The following ABCC5 variants were observed in gnomAD, a reference collection of about 807,000 sequenced individuals.
ABCC5 encodes the protein ATP binding cassette subfamily C member 5.
ABCC5 carries 61 observed loss-of-function variants against 160.9 expected under a neutral mutation model. The observed-to-expected ratio is 0.38, with a 90% CI of 0.31 to 0.47. The LOEUF (loss-of-function observed/expected upper bound fraction) is 0.47. Among genes scored for constraint, ABCC5 ranks in the 20% least tolerant of loss-of-function variants. The probability of loss-of-function intolerance (pLI) is 0.99; values close to 1 mark genes in which losing one functional copy is unlikely to be tolerated. For missense variants in ABCC5, 1,308 were observed against 1,813.3 expected (o/e 0.72, Z 5.06); for synonymous variants, 666 against 700.6 (o/e 0.95, Z 0.78).
rs3031485 is a variant in ABCC5 at position 184,012,014 on chromosome 3, A to AACACACACACACAC, written c.129+2236_129+2249dup. 7.6e-3 allele frequency among the ~76,000 whole-genome samples: 1,112 copies of AACACACACACACAC among 145,456 alleles called. 19 individuals carry two copies. Among genetic ancestry groups the AACACACACACACAC allele is most frequent in the East Asian group, 0.034 (164 of 4,832 alleles). On this transcript the variant is annotated intron_variant, in intron 2 of 29. Transcript: ENST00000334444. ...CACCTTTAAAAAATGCATAGAACAC[A>AACACACACACACAC]ACACACACACACACACACACACACA...
At chr3:183,967,274 T>C (rs1452213850) in intron 12 of ABCC5, 2 of 202,324 alleles carry the variant, frequency 9.9e-6, no homozygotes, top group Admixed American at 5.4e-5. Context: ...GATCAAACCC[T>C]GACAGTCCTG....
At chr3:183,926,743 T>C (rs923972894) in intron 28 of ABCC5, among the ~76,000 whole-genome samples, 1 of 151,972 alleles carries the variant, frequency 6.6e-6, no homozygotes, top group African/African-American at 2.4e-5. Context: ...TTAAAGTCTC[T>C]TGCAATTTTA....
rs969006642 is a variant in ABCC5, at chr3:183,951,766, T to G, written c.2814+91A>C. The G allele has an allele frequency of 6.5e-7, 1 of 1,533,790 alleles. No individual in the cohort carries two copies. The highest frequency in any genetic ancestry group is 1.4e-5 in the African/African-American group (1 of 73,320). On this transcript the variant is annotated intron_variant, in intron 19 of 29. Transcript: ENST00000334444. This position sits in a 1 kb window ranked among gnomAD's most constrained non-coding sequence, Gnocchi z 4.7. ...CCAGGGCCATCCTGGTTAAGGGAGC[T>G]CCCCTACTCAGCATGAACTGAGAGA...
Position 183,949,271 on chromosome 3 carries a change from C to T in ABCC5, c.3227+482G>A, listed in dbSNP as rs895375260. Among the ~76,000 whole-genome samples, 2 of 152,224 alleles carry T rather than the reference C, an allele frequency of 1.3e-5. No individual in the cohort carries two copies. The highest frequency in any genetic ancestry group is 2.9e-5 in the Non-Finnish European group (2 of 68,040). On this transcript the variant is annotated intron_variant, in intron 22 of 29. Coordinates refer to ENST00000334444, the MANE Select transcript of ABCC5 (RefSeq NM_005688.4). The surrounding 1 kb of genome is among the most constrained non-coding windows in gnomAD (Gnocchi z 4.2). ...ACAATGACAATGCACATAAGTTTCACAAATAAACAATACTCGATGCTTAAA... is the reference window on the plus strand; with the variant it reads ...ACAATGACAATGCACATAAGTTTCATAAATAAACAATACTCGATGCTTAAA...
intron 11 of ABCC5, among the ~76,000 whole-genome samples, chr3:183,969,570 T>A (rs2108832128): frequency 6.6e-6 from 1 of 151,636 alleles, no homozygotes; most frequent in African/African-American, 2.4e-5. Context: ...CACGTGCCTA[T>A]AATCCCAGCT....
Position 183,982,343 on chromosome 3 carries a change from A to G in ABCC5, c.999+108T>C. ...CTCTAGATTGAACCTGCTTTGAGGA[A>G]ATTTCCAATCAGAGCTGTGAGACCT... On this transcript the variant is annotated intron_variant, in intron 7 of 29. Coordinates refer to ENST00000334444, the MANE Select transcript of ABCC5 (RefSeq NM_005688.4). This position sits in a 1 kb window ranked among gnomAD's most constrained non-coding sequence, Gnocchi z 5.2. The G allele has an allele frequency of 7.7e-7, 1 of 1,295,192 alleles. No individual in the cohort carries two copies. Among genetic ancestry groups the G allele is most frequent in the Non-Finnish European group, 1.1e-6 (1 of 950,704 alleles). The allele number at this position is 1,295,192 out of a possible 1,614,324, so 80.2% of individuals were successfully genotyped here.
chr3:183,986,186 G>C (rs1719203036), intron 5 of ABCC5: 1 of 152,238 alleles, frequency 6.6e-6, no homozygotes, highest in African/African-American at 2.4e-5. Flanking sequence ...AAACATATTA[G>C]AATTGGAGTT....
At chr3:183,935,197 T>C (rs925902582) in intron 26 of ABCC5, among the ~76,000 whole-genome samples, 2 of 151,980 alleles carry the variant, frequency 1.3e-5, no homozygotes, top group South Asian at 4.2e-4. Context: ...GCTTCTTTTT[T>C]TGAGATGGAG....
At chr3:183,957,921 T>C (rs568860209) in intron 17 of ABCC5, among the ~76,000 whole-genome samples, 381 of 150,484 alleles carry the variant, frequency 2.5e-3, no homozygotes, top group Non-Finnish European at 4.3e-3. Context: ...CGTGTGTATA[T>C]CACATCGGTT....
chr3:183,994,977 A>T (rs1009397464), intron 2 of ABCC5, among the ~76,000 whole-genome samples: 2 of 150,540 alleles, frequency 1.3e-5, no homozygotes, highest in Admixed American at 6.6e-5. Flanking sequence ...CCCACCTCCC[A>T]AGTAGCTGGG....
At chr3:183,948,056 A>G (rs1715013008) in intron 22 of ABCC5, among the ~76,000 whole-genome samples, 1 of 152,238 alleles carries the variant, frequency 6.6e-6, no homozygotes, top group African/African-American at 2.4e-5. Context: ...AAAGGGACTC[A>G]GGCAATGTTT....
chr3:183,981,640 T>G, intron 8 of ABCC5, 87 bp downstream of exon 8: 1 of 1,426,236 alleles, frequency 7.0e-7, no homozygotes, highest in Non-Finnish European at 9.7e-7. Context: ...GTACGTAATG[T>G]GCTCAGAAAG....
At chr3:183,958,454 C>A (rs538099066) in intron 17 of ABCC5, among the ~76,000 whole-genome samples, 2 of 152,266 alleles carry the variant, frequency 1.3e-5, no homozygotes, top group South Asian at 4.1e-4. Context: ...TTTTACTGCC[C>A]GTGGTAAGAA....
intron 11 of ABCC5, 33 bp downstream of exon 11, chr3:183,971,530 T>C: frequency 6.3e-7 from 1 of 1,590,172 alleles, no homozygotes; most frequent in Non-Finnish European, 8.6e-7. Flanking sequence ...GGTGGTGGGG[T>C]GCGGGCAGGG....
chr3:183,947,244 C>T, intron 23 of ABCC5, 80 bp downstream of exon 23: 2 of 1,394,298 alleles, frequency 1.4e-6, no homozygotes, highest in Non-Finnish European at 9.5e-7. Context: ...GGGTGGAGCC[C>T]CCCACAATCA....
chr3:183,932,692 G>A (rs1005654442), intron 26 of ABCC5, among the ~76,000 whole-genome samples: 7 of 152,220 alleles, frequency 4.6e-5, no homozygotes, highest in Admixed American at 6.5e-5. Context: ...GGCCAAGGGC[G>A]GCATCTCATG....
At position 183,927,383 on chromosome 3, in the gene ABCC5, C is replaced by G; in HGVS notation, c.3994G>C (p.Val1332Leu). Residue 1332 changes from valine to leucine, a missense_variant, in exon 28 of 30, where the codon GTG (valine) becomes CTG (leucine). Around this residue, in one of 3 missense-constraint regions of ABCC5, gnomAD observed 163 missense variants for 269.7 expected, o/e 0.60. Transcript: ENST00000334444. ...ATGCACAAGAGCTGCCGTTCCCCCA[C>G]TGAGAAGTTATCCCCATTCTCCATC... ...EVMENGDNFS[V>L]GERQLLCIAR... The G allele has an allele frequency of 6.2e-7, 1 of 1,613,932 alleles. No homozygotes were observed. Among genetic ancestry groups the G allele is most frequent in the Non-Finnish European group, 8.5e-7 (1 of 1,179,894 alleles).
At chr3:183,944,270 T>C (rs1714634336) in intron 24 of ABCC5, among the ~76,000 whole-genome samples, 1 of 152,104 alleles carries the variant, frequency 6.6e-6, no homozygotes, top group East Asian at 1.9e-4. Flanking sequence ...GGCGCATGCC[T>C]GTAGTCCCAG....
intron 17 of ABCC5, among the ~76,000 whole-genome samples, chr3:183,956,937 G>A (rs1716079409): frequency 6.8e-6 from 1 of 146,038 alleles, no homozygotes; most frequent in African/African-American, 2.6e-5. Context: ...AATCACATCG[G>A]TTACATGCGG....
Sources: allele counts gnomAD v4.1 joint callset (sites outside exome capture counted in the v4.1 genomes callset), GRCh38; gene constraint gnomAD v4.1.1; regional missense constraint gnomAD v4.1.1; non-coding constraint Gnocchi (gnomAD v3.1); transcripts MANE v1.5; gene names NCBI Gene and HGNC (gene_info 2026-07-23, HGNC 2026-07-21).